The following FBLN7 variants were observed in gnomAD, a reference collection of about 807,000 sequenced individuals.
FBLN7 encodes fibulin 7.
In FBLN7, 31 loss-of-function variants were observed where a neutral mutation model predicts 44.0. The ratio of observed to expected loss-of-function variants is 0.70; its 90% CI spans 0.53 to 0.95. FBLN7 has a LOEUF of 0.95. FBLN7 is among the 40% of genes least tolerant of loss of function. The probability of loss-of-function intolerance (pLI) is 0.00; values close to 1 mark genes in which losing one functional copy is unlikely to be tolerated. For missense variants in FBLN7, 573 were observed against 618.5 expected, an observed-to-expected ratio of 0.93 and a Z score of 0.78; for synonymous variants, 262 against 253.4, an observed-to-expected ratio of 1.03 and a Z score of -0.32.
At chr2:112,197,274 C>CACACACACACACAGAG in the FBLN7 span, among the ~76,000 whole-genome samples, 57 of 98,646 alleles carry the variant, frequency 5.8e-4, no homozygotes, top group Non-Finnish European at 9.8e-4. Flanking sequence ...CACACACACA[C>CACACACACACACAGAG]AGAGAGAGAG....
intron 1 of FBLN7, among the ~76,000 whole-genome samples, chr2:112,148,698 A>G (rs753627411): frequency 3.9e-5 from 6 of 152,180 alleles, no homozygotes; most frequent in Non-Finnish European, 4.4e-5. Context: ...CATCTGGTGC[A>G]TGCAGGCTCT....
chr2:112,144,148 A>C (rs1680784640), intron 1 of FBLN7, among the ~76,000 whole-genome samples: 1 of 152,206 alleles, frequency 6.6e-6, no homozygotes, highest in Non-Finnish European at 1.5e-5. Context: ...ATCGCTGAAA[A>C]TGTCAAATCC....
intron 4 of FBLN7, among the ~76,000 whole-genome samples, chr2:112,180,922 C>CAAAAAAAAAAA (rs60214148): frequency 1.3e-5 from 1 of 74,310 alleles, no homozygotes; most frequent in African/African-American, 5.4e-5. Context: ...GACTCTGTCT[C>CAAAAAAAAAAA]AAAAAAAAAA....
At chr2:112,168,694 AC>A (rs1422249993) in intron 3 of FBLN7, among the ~76,000 whole-genome samples, 3 of 152,190 alleles carry the variant, frequency 2.0e-5, no homozygotes, top group African/African-American at 7.2e-5. Flanking sequence ...CAATCTAGTG[AC>A]CAAACCTAGA....
the FBLN7 span, among the ~76,000 whole-genome samples, chr2:112,235,344 T>C: frequency 6.6e-6 from 1 of 152,224 alleles, no homozygotes. Context: ...TTGTTCCTTG[T>C]GTAGAAGGGC....
chr2:112,231,950 A>C, the FBLN7 span: 1 of 1,486,082 alleles, frequency 6.7e-7, no homozygotes, highest in Non-Finnish European at 9.2e-7. Context: ...ATATTCATGT[A>C]ACCCAAGTGT....
chr2:112,204,020 A>G, the FBLN7 span, among the ~76,000 whole-genome samples: 5 of 152,164 alleles, frequency 3.3e-5, no homozygotes, highest in African/African-American at 1.2e-4. Context: ...TACTAGAGAA[A>G]GACTTTAAAT....
chr2:112,210,193 C>T, the FBLN7 span, among the ~76,000 whole-genome samples: 3 of 151,794 alleles, frequency 2.0e-5, no homozygotes, highest in Non-Finnish European at 2.9e-5. Flanking sequence ...GGGCATGGCT[C>T]GGTATACCTG....
At chr2:112,168,750 C>T (rs1682295684) in intron 3 of FBLN7, among the ~76,000 whole-genome samples, 1 of 152,192 alleles carries the variant, frequency 6.6e-6, no homozygotes, top group African/African-American at 2.4e-5. Flanking sequence ...TGTTCCAAAC[C>T]ACCAGTCGTG....
intron 1 of FBLN7, among the ~76,000 whole-genome samples, chr2:112,142,826 C>CT (rs1315477997): frequency 6.6e-6 from 1 of 151,616 alleles, no homozygotes; most frequent in Non-Finnish European, 1.5e-5. Flanking sequence ...GTGTACACAC[C>CT]TTTTTTGCAT....
chr2:112,178,583 C>T (rs549457863), intron 4 of FBLN7, among the ~76,000 whole-genome samples: 204 of 152,270 alleles, frequency 1.3e-3, no homozygotes, highest in African/African-American at 4.8e-3. Context: ...CCTTGATGAA[C>T]ATTGATACAA....
chr2:112,185,204 T>C lies in FBLN7; in HGVS notation c.812T>C (p.Val271Ala). 1 of 1,613,154 alleles carries C rather than the reference T, an allele frequency of 6.2e-7. No individual in the cohort carries two copies. The highest frequency in any genetic ancestry group is 8.5e-7 in the Non-Finnish European group (1 of 1,179,262). Residue 271 changes from valine to alanine, a missense_variant, in exon 7 of 8, where the codon GTG (valine) becomes GCG (alanine). By Grantham distance (64) the Val-to-Ala change is moderately conservative (BLOSUM62 0). Coordinates refer to ENST00000331203, the MANE Select transcript of FBLN7 (RefSeq NM_153214.3). The part of the protein sequence containing the change: ...TLADGKSCED[V>A]DECVGLQPVC... ...TGTTGTATGTCCTGTATCTCAGATG[T>C]GGATGAATGTGTGGGCCTGCAGCCG...
In FBLN7 at chr2:112,138,608, G is replaced by A; in HGVS notation, c.-48G>A. 6.2e-7 allele frequency: 1 copy of A among 1,613,248 alleles called. No individual in the cohort carries two copies. The highest frequency in any genetic ancestry group is 8.5e-7 in the Non-Finnish European group (1 of 1,179,630). On this transcript the variant is annotated 5_prime_UTR_variant, in exon 1 of 8. Transcript: ENST00000331203. ...CATCGCTGGGACAAACTCGGCAGCG[G>A]AGGCAAAGTTATTTCCCCTCCCAGG...
At chr2:112,207,442 G>A in the FBLN7 span, among the ~76,000 whole-genome samples, 8 of 150,604 alleles carry the variant, frequency 5.3e-5, no homozygotes, top group African/African-American at 1.5e-4. Context: ...ACTCTAGCTG[G>A]GGCGACAGAG....
intron 1 of FBLN7, among the ~76,000 whole-genome samples, chr2:112,146,698 T>C (rs1446090757): frequency 2.6e-5 from 4 of 152,148 alleles, no homozygotes; most frequent in African/African-American, 9.7e-5. Flanking sequence ...TAGGGAATTT[T>C]AAAAAATACA....
chr2:112,141,745 C>T (rs1471609221), intron 1 of FBLN7, among the ~76,000 whole-genome samples: 8 of 152,202 alleles, frequency 5.3e-5, no homozygotes, highest in Admixed American at 1.3e-4. Flanking sequence ...TGATGAGATG[C>T]GTGAGAACCA....
chr2:112,156,107 G>C (rs757177879), intron 1 of FBLN7, among the ~76,000 whole-genome samples: 6 of 152,186 alleles, frequency 3.9e-5, no homozygotes, highest in Non-Finnish European at 8.8e-5. Flanking sequence ...CACGCTTCCT[G>C]CCCCCGCTGC....
the FBLN7 span, among the ~76,000 whole-genome samples, chr2:112,243,711 A>T: frequency 6.6e-6 from 1 of 152,180 alleles, no homozygotes; most frequent in Non-Finnish European, 1.5e-5. Context: ...CGTACATAAC[A>T]TCCTCAATTT....
chr2:112,138,698 A>G lies in FBLN7; in HGVS notation c.43A>G (p.Ile15Val). 1 of 1,610,490 alleles carries G rather than the reference A, an allele frequency of 6.2e-7. No individual in the cohort carries two copies. The highest frequency in any genetic ancestry group is 1.1e-5 in the South Asian group (1 of 90,964). The change falls in exon 1 of 8, where the codon ATC becomes GTC. Residue 15 changes from isoleucine to valine, a missense_variant. By Grantham distance (29) the Ile-to-Val change is conservative. Transcript: ENST00000331203. Reference sequence around the variant, plus strand: ...GCGCGCGCTCTTCCTTCTGCTCCTGATCCTCGCCTGCCCCGAGCCGCGGGC... The same window carrying G: ...GCGCGCGCTCTTCCTTCTGCTCCTGGTCCTCGCCTGCCCCGAGCCGCGGGC... Reference protein sequence around the residue: ...SPRALFLLLLILACPEPRASQ... With the variant: ...SPRALFLLLLVLACPEPRASQ...
Sources: allele counts gnomAD v4.1 joint callset (sites outside exome capture counted in the v4.1 genomes callset), GRCh38; gene constraint gnomAD v4.1.1; transcripts MANE v1.5; gene names NCBI Gene and HGNC (gene_info 2026-07-23, HGNC 2026-07-21).